KMT2A: variants seen among roughly 807,000 people sequenced by gnomAD.
The protein encoded by KMT2A is histone-lysine N-methyltransferase 2A.
KMT2A carries 16 observed loss-of-function variants against 345.3 expected under a neutral mutation model. That is an observed-to-expected ratio of 0.05 (90% CI 0.03 to 0.07). The LOEUF (loss-of-function observed/expected upper bound fraction) is 0.07, where lower values mean the gene tolerates loss of function less well. Ranked by LOEUF, KMT2A falls within the 10% of genes least tolerant of loss-of-function variation. The pLI, the probability that KMT2A is intolerant of heterozygous loss-of-function variation, is 1.00. For synonymous variants in KMT2A, 1,599 were observed against 1,778.6 expected (o/e 0.90, Z 2.54); for missense variants, 3,272 against 4,841.6 (o/e 0.68, Z 9.62).
At chr11:118,483,342 C>T (rs1171690964) in intron 8 of KMT2A, among the ~76,000 whole-genome samples, 1 of 150,496 alleles carries the variant, frequency 6.6e-6, no homozygotes, top group Non-Finnish European at 1.5e-5. Context: ...ACCATCCTGG[C>T]TAACACGGTG....
intron 31 of KMT2A, 53 bp downstream of exon 31, chr11:118,512,078 G>A: frequency 1.3e-6 from 2 of 1,516,760 alleles, no homozygotes; most frequent in Non-Finnish European, 1.8e-6. Context: ...ATGGTAAATT[G>A]TTCGCCTAAG....
In KMT2A at chr11:118,497,001, G is replaced by A. The variant is rs539010445; in HGVS notation, c.5664+634G>A. 7.1e-4 allele frequency among the ~76,000 whole-genome samples: 108 copies of A among 151,340 alleles called. No homozygotes were observed. In the South Asian group the frequency reaches 9.0e-3, roughly 13 times the overall value. ...TTTGTTTTGTTTTGTTTTTTTGAGC[G>A]GAGTTTCGCTCTTGTTGCCCAGGCT... On this transcript the variant is annotated intron_variant, in intron 20 of 35. Transcript: ENST00000534358. This position sits in a 1 kb window ranked among gnomAD's most constrained non-coding sequence, Gnocchi z 4.8.
chr11:118,491,322 G>T lies in KMT2A; in HGVS notation c.4819+4G>T. On this transcript the variant is annotated splice_donor_region_variant and intron_variant, in intron 14 of 35. Coordinates refer to ENST00000534358, the MANE Select transcript of KMT2A (RefSeq NM_001197104.2). This position sits in a 1 kb window ranked among gnomAD's most constrained non-coding sequence, Gnocchi z 4.2. ...GAGAATCTTTCAGGTACAGAAGGTT[G>T]GAGTCTTTTTATTTCAGTTTTCTTC... is the stretch of plus-strand genomic sequence containing the variant. 1 of 1,611,278 alleles carries T rather than the reference G, an allele frequency of 6.2e-7. No homozygotes were observed.
At chr11:118,478,467 G>A (rs1950075832) in intron 5 of KMT2A, among the ~76,000 whole-genome samples, 1 of 152,188 alleles carries the variant, frequency 6.6e-6, no homozygotes, top group South Asian at 2.1e-4. Flanking sequence ...AGTTCAGTAT[G>A]CAGCCATTAG....
Position 118,524,298 on chromosome 11 carries a change from T to C in KMT2A, c.*2126T>C. The C allele has an allele frequency of 5.3e-6, 1 of 187,330 alleles. No individual in the cohort carries two copies. The allele number at this position is 187,330 out of a possible 1,614,324, so 11.6% of individuals were successfully genotyped here. On this transcript the variant is annotated 3_prime_UTR_variant, in exon 36 of 36. Transcript: ENST00000534358. The stretch of plus-strand genomic sequence containing the variant: ...AGTCCAAGTAGAGGGTGGGGCACCC[T>C]TTTCTCGCCGCAAGAAGCCCATTCC...
rs377156559 is a variant in KMT2A, at chr11:118,502,481, C to T, written c.6589C>T (p.Arg2197Cys). 20 of 1,613,726 alleles carry T rather than the reference C, an allele frequency of 1.2e-5. No individual in the cohort carries two copies. Among genetic ancestry groups the T allele is most frequent in the Admixed American group, 3.3e-5 (2 of 59,988 alleles). Residue 2197 changes from arginine to cysteine, a missense_variant, in exon 27 of 36, where the codon CGT (arginine) becomes TGT (cysteine). Physicochemically the swap from Arg to Cys is radical, Grantham distance 180. This residue lies in a region of KMT2A where 445 missense variants were observed against 500.9 expected (regional missense o/e 0.89). Coordinates refer to ENST00000534358, the MANE Select transcript of KMT2A (RefSeq NM_001197104.2). This position sits in a 1 kb window ranked among gnomAD's most constrained non-coding sequence, Gnocchi z 4.9. Reference sequence around the variant, plus strand: ...TGGACTTCGAAGCATTGGCTCCAGGCGTCACAGTACCTCTTCCTTATCACC... The same window carrying T: ...TGGACTTCGAAGCATTGGCTCCAGGTGTCACAGTACCTCTTCCTTATCACC... ...SSGLRSIGSR[R>C]HSTSSLSPQR...
chr11:118,454,955 GT>G (rs1403189085), intron 1 of KMT2A, among the ~76,000 whole-genome samples: 1 of 151,614 alleles, frequency 6.6e-6, no homozygotes, highest in Non-Finnish European at 1.5e-5. Flanking sequence ...AGCCTTTCCT[GT>G]CTACCCTAGC....
At chr11:118,501,555 G>A (rs1950500966) in intron 25 of KMT2A, 117 bp from the exon 26 acceptor site, 1 of 772,618 alleles carries the variant, frequency 1.3e-6, no homozygotes, top group Non-Finnish European at 2.1e-6. Flanking sequence ...TCATTTACTT[G>A]GGAAGTCTCA....
At chr11:118,507,243 T>C (rs954793762) in intron 27 of KMT2A, among the ~76,000 whole-genome samples, 1 of 152,126 alleles carries the variant, frequency 6.6e-6, no homozygotes, top group Non-Finnish European at 1.5e-5. Flanking sequence ...GGCTAAATGA[T>C]CCATGGTCAT....
In KMT2A at chr11:118,498,141, T is replaced by A; in HGVS notation, c.5802+68T>A. The A allele has an allele frequency of 1.3e-6, 2 of 1,516,270 alleles. No individual in the cohort carries two copies. The highest frequency in any genetic ancestry group is 1.2e-5 in the South Asian group (1 of 86,500). The allele number at this position is 1,516,270 out of a possible 1,614,324, so 93.9% of individuals were successfully genotyped here. ...AGTTTCCAGATATTCTTCCTGTGGGTGAATATGGCCTCCCTGATATTTTTC... is the reference window on the plus strand; with the variant it reads ...AGTTTCCAGATATTCTTCCTGTGGGAGAATATGGCCTCCCTGATATTTTTC... On this transcript the variant is annotated intron_variant, in intron 21 of 35. Coordinates refer to ENST00000534358, the MANE Select transcript of KMT2A (RefSeq NM_001197104.2). This position sits in a 1 kb window ranked among gnomAD's most constrained non-coding sequence, Gnocchi z 4.4.
At chr11:118,456,595 C>T (rs969449181) in intron 1 of KMT2A, among the ~76,000 whole-genome samples, 1 of 152,132 alleles carries the variant, frequency 6.6e-6, no homozygotes, top group Admixed American at 6.5e-5. Context: ...ACCTTGGCCT[C>T]CCAAAGTGCT....
At chr11:118,508,197 A>G (rs1950621953) in intron 28 of KMT2A, among the ~76,000 whole-genome samples, 1 of 152,194 alleles carries the variant, frequency 6.6e-6, no homozygotes, top group South Asian at 2.1e-4. Flanking sequence ...ATCTCTCTGC[A>G]TATAAAGATA....
At chr11:118,501,979 G>A in intron 26 of KMT2A, 122 bp downstream of exon 26, 1 of 859,172 alleles carries the variant, frequency 1.2e-6, no homozygotes, top group Non-Finnish European at 1.8e-6. Context: ...CCGGGTGGGT[G>A]AGGTGGCTCA....
rs1555048254 is a variant in KMT2A, at chr11:118,506,152, T to C, written c.10260T>C (p.Thr3420=). The change falls in exon 27 of 36, where the codon ACT becomes ACC. Residue 3420 remains threonine, a synonymous_variant. Transcript: ENST00000534358. ...PQLGTSQTPS[T]AAITAASSIC... ...TGGGGACATCACAGACCCCCTCTAC[T>C]GCTGCAATAACAGCGGCATCTAGCA... 1 of 1,614,186 alleles carries C rather than the reference T, an allele frequency of 6.2e-7. No individual in the cohort carries two copies.
At chr11:118,480,754 C>T (rs1950116725) in intron 6 of KMT2A, among the ~76,000 whole-genome samples, 1 of 152,018 alleles carries the variant, frequency 6.6e-6, no homozygotes, top group Non-Finnish European at 1.5e-5. Flanking sequence ...CTTCAACCTC[C>T]CACGCTCAAG....
intron 31 of KMT2A, 38 bp downstream of exon 31, chr11:118,512,063 ATAT>A: frequency 6.4e-7 from 1 of 1,570,002 alleles, no homozygotes; most frequent in Non-Finnish European, 8.8e-7. Flanking sequence ...CTGTCTCAGA[ATAT>A]TATGGTAAAT....
chr11:118,478,115 C>T lies in KMT2A; in HGVS notation c.3483C>T (p.Cys1161=), dbSNP rs2134287182. 1 of 1,614,106 alleles carries T rather than the reference C, an allele frequency of 6.2e-7. No individual in the cohort carries two copies. Among genetic ancestry groups the T allele is most frequent in the South Asian group, 1.1e-5 (1 of 91,074 alleles). Residue 1161 remains cysteine (C), a synonymous_variant, in exon 5 of 36, where the codon TGC becomes TGT. Transcript: ENST00000534358. ...RSRRCGQCPG[C]QVPEDCGVCT... is the part of the protein sequence containing the mutation. Reference sequence around the variant, plus strand: ...GGCGGTGTGGGCAGTGTCCCGGCTGCCAGGTGCCTGAGGACTGTGGTGTTT... The same window carrying T: ...GGCGGTGTGGGCAGTGTCCCGGCTGTCAGGTGCCTGAGGACTGTGGTGTTT...
chr11:118,445,787 G>C (rs1456843887), intron 1 of KMT2A, among the ~76,000 whole-genome samples: 1 of 152,220 alleles, frequency 6.6e-6, no homozygotes, highest in South Asian at 2.1e-4. Context: ...AAGATTGCCT[G>C]AGGTCAGGAG....
At chr11:118,457,654 C>A (rs1949671786) in intron 1 of KMT2A, among the ~76,000 whole-genome samples, 1 of 151,804 alleles carries the variant, frequency 6.6e-6, no homozygotes, top group African/African-American at 2.4e-5. Context: ...TAATTTCACT[C>A]CATGCCACAT....
Sources: allele counts gnomAD v4.1 joint callset (sites outside exome capture counted in the v4.1 genomes callset), GRCh38; gene constraint gnomAD v4.1.1; regional missense constraint gnomAD v4.1.1; non-coding constraint Gnocchi (gnomAD v3.1); transcripts MANE v1.5; gene names NCBI Gene and HGNC (gene_info 2026-07-23, HGNC 2026-07-21).